The following ETFA variants were observed in gnomAD, a reference collection of about 807,000 sequenced individuals.
ETFA encodes electron transfer flavoprotein subunit alpha.
ETFA carries 22 observed loss-of-function variants against 46.2 expected under a neutral mutation model. The observed-to-expected ratio is 0.48, with a 90% CI of 0.34 to 0.68. The LOEUF (loss-of-function observed/expected upper bound fraction) is 0.68, where lower values mean the gene tolerates loss of function less well. Among genes scored for constraint, ETFA ranks in the 30% least tolerant of loss-of-function variants. The probability of loss-of-function intolerance (pLI) is 0.01; values close to 1 mark genes in which losing one functional copy is unlikely to be tolerated. For synonymous variants in ETFA, 131 were observed against 139.9 expected, an observed-to-expected ratio of 0.94 and a Z score of 0.45; for missense variants, 345 against 401.1, an observed-to-expected ratio of 0.86 and a Z score of 1.19.
intron 9 of ETFA, chr15:76,259,573 C>T: frequency 8.5e-6 from 9 of 1,056,228 alleles, no homozygotes; most frequent in Non-Finnish European, 1.0e-5. Context: ...AAGGCCCACA[C>T]ATCACTGTGC....
chr15:76,243,816 C>CAA (rs199573968), intron 9 of ETFA, among the ~76,000 whole-genome samples: 181 of 100,122 alleles, frequency 1.8e-3, no homozygotes, highest in Non-Finnish European at 3.7e-3. Context: ...CAAAAACAAA[C>CAA]AAACAAAAAA....
intron 9 of ETFA, among the ~76,000 whole-genome samples, chr15:76,253,617 A>G (rs1175155341): frequency 1.3e-5 from 2 of 152,320 alleles, no homozygotes; most frequent in East Asian, 3.9e-4. Flanking sequence ...ATAAGAATAA[A>G]TGAAAATACT....
intron 9 of ETFA, among the ~76,000 whole-genome samples, chr15:76,231,879 C>G (rs960034408): frequency 1.2e-4 from 18 of 152,064 alleles, no homozygotes; most frequent in Non-Finnish European, 2.1e-4. Flanking sequence ...CTTAGTTGTT[C>G]GCCTTATCAC....
intron 9 of ETFA, among the ~76,000 whole-genome samples, chr15:76,269,730 C>G (rs2039509451): frequency 6.6e-6 from 1 of 152,118 alleles, no homozygotes; most frequent in Non-Finnish European, 1.5e-5. Flanking sequence ...TGACAAAATT[C>G]AAAACACATT....
At chr15:76,223,404 G>A (rs915618966) in intron 11 of ETFA, among the ~76,000 whole-genome samples, 1 of 151,676 alleles carries the variant, frequency 6.6e-6, no homozygotes, top group Non-Finnish European at 1.5e-5. Context: ...CACAGTTTTA[G>A]TAGAGACAGG....
At chr15:76,246,709 T>C (rs1467087324) in intron 9 of ETFA, among the ~76,000 whole-genome samples, 1 of 151,966 alleles carries the variant, frequency 6.6e-6, no homozygotes, top group Non-Finnish European at 1.5e-5. Flanking sequence ...GGCAGGCACC[T>C]GTAGTCCCAG....
Position 76,287,955 on chromosome 15 carries a change from A to AAAT in ETFA, c.352-13_352-11dup. The AAAT allele has an allele frequency of 6.3e-7, 1 of 1,593,136 alleles. No individual in the cohort carries two copies. Among genetic ancestry groups the AAAT allele is most frequent in the Non-Finnish European group, 8.6e-7 (1 of 1,161,020 alleles). On this transcript the variant is annotated splice_polypyrimidine_tract_variant and intron_variant, in intron 4 of 11. Transcript: ENST00000557943. ...CTCTGGGCAAAAGGTTCTAAAAGCA[A>AAAT]AATAAGCAGTGAGTTAACACACATA...
chr15:76,305,865 T>G (rs1018730544), intron 1 of ETFA, among the ~76,000 whole-genome samples: 5 of 151,778 alleles, frequency 3.3e-5, no homozygotes, highest in Non-Finnish European at 7.4e-5. Context: ...AATAGTTGTT[T>G]TTTTTTTTTT....
rs548301225 is a variant in ETFA, at chr15:76,291,867, C to A, written c.351+564G>T. On this transcript the variant is annotated intron_variant, in intron 4 of 11. Coordinates refer to ENST00000557943, the MANE Select transcript of ETFA (RefSeq NM_000126.4). ...AGAGAGAGCAAGAAAAATCCACTGA[C>A]GAATTCCTTGTCTTAAGCTCCCATT... 3.5e-4 allele frequency among the ~76,000 whole-genome samples: 53 copies of A among 152,154 alleles called. 1 individual carries two copies. In the South Asian group the frequency reaches 0.011, roughly 30 times the overall value.
At chr15:76,293,078 A>G (rs893410321) in intron 2 of ETFA, among the ~76,000 whole-genome samples, 2 of 152,240 alleles carry the variant, frequency 1.3e-5, no homozygotes, top group Non-Finnish European at 2.9e-5. Flanking sequence ...CGGAGGTTAC[A>G]GTGAGCCAAG....
chr15:76,263,849 G>T (rs560830030), intron 9 of ETFA, among the ~76,000 whole-genome samples: 22 of 152,146 alleles, frequency 1.4e-4, no homozygotes, highest in Non-Finnish European at 2.5e-4. Flanking sequence ...TTAAAGAAAA[G>T]AAAGGAAAAC....
chr15:76,282,461 T>G (rs2039665274), intron 8 of ETFA, among the ~76,000 whole-genome samples: 2 of 152,198 alleles, frequency 1.3e-5, no homozygotes, highest in South Asian at 4.1e-4. Context: ...CCACCAAGTT[T>G]GTAGTAACTT....
intron 11 of ETFA, 101 bp downstream of exon 11, chr15:76,225,742 CACACAA>C: frequency 1.2e-6 from 1 of 812,322 alleles, no homozygotes; most frequent in Non-Finnish European, 2.2e-6. Flanking sequence ...CAAACACAGA[CACACAA>C]ACACACAATG....
At chr15:76,217,646 C>T (rs1237125311) in intron 11 of ETFA, 1 of 455,732 alleles carries the variant, frequency 2.2e-6, no homozygotes, top group Admixed American at 2.3e-5. Flanking sequence ...TGCTTTGTGA[C>T]TGCTTGGACA....
At chr15:76,247,315 T>C (rs1369660568) in intron 9 of ETFA, among the ~76,000 whole-genome samples, 1 of 152,222 alleles carries the variant, frequency 6.6e-6, no homozygotes, top group African/African-American at 2.4e-5. Flanking sequence ...GACAGGACCA[T>C]ATCTTATGCT....
At chr15:76,260,166 G>C (rs2039392246) in intron 9 of ETFA, 1 of 1,439,118 alleles carries the variant, frequency 6.9e-7, no homozygotes, top group Admixed American at 1.7e-5. Context: ...CTGCTGCTCT[G>C]GGATGAGCAC....
intron 6 of ETFA, among the ~76,000 whole-genome samples, chr15:76,286,107 G>C (rs1450586722): frequency 6.6e-6 from 1 of 152,156 alleles, no homozygotes; most frequent in African/African-American, 2.4e-5. Flanking sequence ...ACAGTGACAA[G>C]AGTAAAAAAG....
At chr15:76,251,327 C>T (rs2039295613) in intron 9 of ETFA, among the ~76,000 whole-genome samples, 1 of 152,054 alleles carries the variant, frequency 6.6e-6, no homozygotes, top group South Asian at 2.1e-4. Context: ...TGTAGATAAG[C>T]TGGATTTTTG....
intron 1 of ETFA, among the ~76,000 whole-genome samples, chr15:76,296,090 C>T (rs1038065423): frequency 1.3e-5 from 2 of 151,480 alleles, no homozygotes; most frequent in Non-Finnish European, 2.9e-5. Context: ...GAACTACAGG[C>T]GCCCACCACC....
Sources: gnomAD v4.1 joint callset for allele counts (sites outside exome capture counted in the v4.1 genomes callset) on GRCh38, gnomAD v4.1.1 for gene constraint, MANE v1.5 for transcripts, NCBI Gene and HGNC (gene_info 2026-07-23, HGNC 2026-07-21) for gene names.